The following RUNX3 variants were observed in gnomAD, a reference collection of about 807,000 sequenced individuals.
RUNX3 encodes the protein runt-related transcription factor 3.
Under a neutral mutation model 27.7 loss-of-function variants are expected in RUNX3, and 10 were observed. The observed-to-expected ratio is 0.36, with a 90% CI of 0.22 to 0.61. The LOEUF (loss-of-function observed/expected upper bound fraction) is 0.61. Ranked by LOEUF, RUNX3 falls within the 20% of genes least tolerant of loss-of-function variation. The pLI, the probability that RUNX3 is intolerant of heterozygous loss-of-function variation, is 0.72. For synonymous variants in RUNX3, 270 were observed against 269.2 expected (o/e 1.00, Z -0.03); for missense variants, 469 against 629.5 (o/e 0.75, Z 2.73).
intron 4 of RUNX3, 106 bp downstream of exon 4, chr1:24,907,153 G>T: frequency 8.6e-7 from 1 of 1,167,076 alleles, no homozygotes; most frequent in Non-Finnish European, 1.2e-6. Context: ...ACAAGGGGGT[G>T]CAGTGACTGA....
intron 2 of RUNX3, among the ~76,000 whole-genome samples, chr1:24,963,703 A>C (rs1642178592): frequency 6.6e-6 from 1 of 152,148 alleles, no homozygotes; most frequent in African/African-American, 2.4e-5. Context: ...GGAAGGCAGC[A>C]GGGGGTGTCT....
At chr1:24,961,160 G>C (rs1389397963) in intron 2 of RUNX3, among the ~76,000 whole-genome samples, 4 of 152,140 alleles carry the variant, frequency 2.6e-5, no homozygotes, top group Non-Finnish European at 5.9e-5. Context: ...GAAACTGAGA[G>C]GGGAGGGCTG....
rs1350377027 is a variant in RUNX3, at chr1:24,937,282, C to T, written c.59-7430G>A. Among the ~76,000 whole-genome samples, 3 of 152,230 alleles carry T rather than the reference C, an allele frequency of 2.0e-5. No homozygotes were observed. In the East Asian group the frequency reaches 5.8e-4, roughly 29 times the overall value. On this transcript the variant is annotated intron_variant, in intron 2 of 6. Coordinates refer to the RUNX3 transcript ENST00000338888. ...AGGGTCCTGAGCTTGTTTTAATGCCCTGCCACCACTGCCTTGAACTTCTGA... is the reference window on the plus strand; with the variant it reads ...AGGGTCCTGAGCTTGTTTTAATGCCTTGCCACCACTGCCTTGAACTTCTGA...
chr1:24,958,758 G>A (rs1220383810), intron 2 of RUNX3, among the ~76,000 whole-genome samples: 2 of 152,196 alleles, frequency 1.3e-5, no homozygotes, highest in South Asian at 2.1e-4. Flanking sequence ...GCAGGCCCAC[G>A]GACTGAAGCT....
Position 24,929,916 on chromosome 1 carries a change from C to G in RUNX3, c.-48G>C, listed in dbSNP as rs1358003345. 3.2e-6 allele frequency: 4 copies of G among 1,231,314 alleles called. No individual in the cohort carries two copies. Among genetic ancestry groups the G allele is most frequent in the Non-Finnish European group, 4.0e-6 (4 of 988,864 alleles). 76.3% of individuals were successfully genotyped at this position (1,231,314 alleles called of 1,614,324 possible). A position where few individuals can be genotyped will look rare whatever the true frequency, so the allele number is the denominator to read the frequency against. On this transcript the variant is annotated 5_prime_UTR_variant, in exon 1 of 5. Coordinates refer to ENST00000308873, the MANE Select transcript of RUNX3 (RefSeq NM_004350.3). The stretch of plus-strand genomic sequence containing the variant: ...GGCAGGCGGAGACGGCGCGGCTTCC[C>G]CCGGGGGCGGCCGGCGCGGGCGCCT...
At chr1:24,909,153 C>G (rs564964989) in intron 3 of RUNX3, among the ~76,000 whole-genome samples, 1 of 152,138 alleles carries the variant, frequency 6.6e-6, no homozygotes, top group Non-Finnish European at 1.5e-5. Flanking sequence ...CTGCTGAGGC[C>G]GAGGGACACT....
At chr1:24,953,102 C>T (rs1297444355) in intron 2 of RUNX3, among the ~76,000 whole-genome samples, 2 of 152,226 alleles carry the variant, frequency 1.3e-5, no homozygotes, top group Admixed American at 6.5e-5. Flanking sequence ...CGCGGTGGCT[C>T]AAGCCTGCAA....
chr1:24,906,759 T>C (rs1277177549), intron 4 of RUNX3, among the ~76,000 whole-genome samples: 1 of 152,236 alleles, frequency 6.6e-6, no homozygotes, highest in Non-Finnish European at 1.5e-5. Flanking sequence ...GGTTGGAATG[T>C]CACTTAACAG....
At chr1:24,915,535 C>A (rs1370073625) in intron 3 of RUNX3, among the ~76,000 whole-genome samples, 1 of 152,122 alleles carries the variant, frequency 6.6e-6, no homozygotes, top group Non-Finnish European at 1.5e-5. Context: ...AACCTTAAAG[C>A]CAGGAAGGAA....
intron 1 of RUNX3, chr1:24,964,683 AGGG>A (rs146887912): frequency 6.6e-7 from 1 of 1,511,550 alleles, no homozygotes; most frequent in Non-Finnish European, 8.9e-7. Flanking sequence ...TGAAAATAAA[AGGG>A]GGGGGTGTTG....
At chr1:24,919,726 C>T (rs1032714572) in intron 2 of RUNX3, among the ~76,000 whole-genome samples, 9 of 150,918 alleles carry the variant, frequency 6.0e-5, no homozygotes, top group South Asian at 2.1e-4. Context: ...CAAGAACATA[C>T]AAAATATAAA....
intron 2 of RUNX3, among the ~76,000 whole-genome samples, chr1:24,940,134 A>T (rs1194415782): frequency 2.0e-5 from 3 of 152,142 alleles, no homozygotes; most frequent in Non-Finnish European, 4.4e-5. Flanking sequence ...GACCATATGG[A>T]TGCTGGGGGC....
At chr1:24,908,119 G>A (rs1640712669) in intron 3 of RUNX3, among the ~76,000 whole-genome samples, 1 of 139,650 alleles carries the variant, frequency 7.2e-6, no homozygotes, top group Non-Finnish European at 1.6e-5. Context: ...GACACGCGGT[G>A]ATCCAAACCT....
chr1:24,934,911 G>T (rs1198932342), upstream of RUNX3, among the ~76,000 whole-genome samples: 1 of 152,172 alleles, frequency 6.6e-6, no homozygotes. Flanking sequence ...CTTCAAATCT[G>T]CAGGGAGTCA....
In RUNX3 at chr1:24,943,353, A is replaced by C. The variant is rs866162075; in HGVS notation, c.59-13501T>G. 5.9e-5 allele frequency among the ~76,000 whole-genome samples: 9 copies of C among 152,206 alleles called. No homozygotes were observed. The highest frequency in any genetic ancestry group is 1.9e-4 in the African/African-American group (8 of 41,530). On this transcript the variant is annotated intron_variant, in intron 2 of 6. Coordinates refer to the RUNX3 transcript ENST00000338888. This position sits in a 1 kb window ranked among gnomAD's most constrained non-coding sequence, Gnocchi z 4.6. ...AGGGTCATGGACTTGAGGCTCTGAG[A>C]CCCTGAGGATGTTAGAATCTTCATC...
At chr1:24,954,289 C>G (rs1166439335) in intron 2 of RUNX3, among the ~76,000 whole-genome samples, 1 of 152,214 alleles carries the variant, frequency 6.6e-6, no homozygotes, top group Non-Finnish European at 1.5e-5. Context: ...AAAATGCAGA[C>G]AGGGTGGGGA....
intron 4 of RUNX3, among the ~76,000 whole-genome samples, chr1:24,905,583 G>T (rs1421075074): frequency 3.9e-5 from 6 of 152,244 alleles, no homozygotes; most frequent in African/African-American, 1.4e-4. Flanking sequence ...AGCCCAGGAT[G>T]GAAGCAGCAG....
At chr1:24,920,214 CTTT>C (rs60076928) in intron 2 of RUNX3, among the ~76,000 whole-genome samples, 1 of 144,890 alleles carries the variant, frequency 6.9e-6, no homozygotes. Flanking sequence ...TAAAATACTA[CTTT>C]TTTTTTTTTT....
intron 2 of RUNX3, among the ~76,000 whole-genome samples, chr1:24,948,732 G>C (rs1157592551): frequency 6.6e-6 from 1 of 151,722 alleles, no homozygotes; most frequent in Non-Finnish European, 1.5e-5. Context: ...GTGCATTGGG[G>C]GTGCATGCAG....
Sources: allele counts gnomAD v4.1 joint callset (sites outside exome capture counted in the v4.1 genomes callset), GRCh38; gene constraint gnomAD v4.1.1; non-coding constraint Gnocchi (gnomAD v3.1); transcripts MANE v1.5; gene names NCBI Gene and HGNC (gene_info 2026-07-23, HGNC 2026-07-21).